CCDC178: variants seen among roughly 807,000 people sequenced by gnomAD.
CCDC178 encodes the protein coiled-coil domain-containing protein 178.
Under a neutral mutation model 117.4 loss-of-function variants are expected in CCDC178, and 126 were observed. That is an observed-to-expected ratio of 1.07 (90% CI 0.93 to 1.24). The LOEUF (loss-of-function observed/expected upper bound fraction) is 1.24. Ranked by LOEUF, CCDC178 falls within the 50% of genes most tolerant of loss-of-function variation. The pLI, the probability that CCDC178 is intolerant of heterozygous loss-of-function variation, is 0.00. For synonymous variants in CCDC178, 283 were observed against 313.4 expected (o/e 0.90, Z 1.02); for missense variants, 1,030 against 986.9 (o/e 1.04, Z -0.59).
At chr18:33,324,336 T>A (rs886430479) in intron 10 of CCDC178, among the ~76,000 whole-genome samples, 7 of 151,942 alleles carry the variant, frequency 4.6e-5, no homozygotes, top group African/African-American at 1.4e-4. Flanking sequence ...ACATATAACA[T>A]CAACAGTACT....
intron 10 of CCDC178, among the ~76,000 whole-genome samples, chr18:33,329,800 CAT>C (rs2062638070): frequency 6.6e-6 from 1 of 151,648 alleles, no homozygotes; most frequent in African/African-American, 2.4e-5. Context: ...GTAATGCTGA[CAT>C]AGATGAATTA....
chr18:33,148,276 C>G (rs1398005733), intron 20 of CCDC178, among the ~76,000 whole-genome samples: 2 of 152,204 alleles, frequency 1.3e-5, no homozygotes, highest in Admixed American at 6.5e-5. Flanking sequence ...ATATGAAAAC[C>G]AGTCAGGCGT....
intron 20 of CCDC178, among the ~76,000 whole-genome samples, chr18:33,211,172 G>T (rs1254910354): frequency 2.0e-5 from 3 of 151,726 alleles, no homozygotes; most frequent in African/African-American, 7.2e-5. Flanking sequence ...TCACAGAAAA[G>T]AGTTTTAAAA....
At chr18:33,316,239 G>A (rs551433523) in intron 11 of CCDC178, among the ~76,000 whole-genome samples, 174 of 152,306 alleles carry the variant, frequency 1.1e-3, no homozygotes, top group African/African-American at 3.8e-3. Context: ...GAGAGGCGCC[G>A]GCGGGAACCG....
intron 18 of CCDC178, among the ~76,000 whole-genome samples, chr18:33,221,691 T>C (rs1489016414): frequency 6.6e-6 from 1 of 152,148 alleles, no homozygotes; most frequent in African/African-American, 2.4e-5. Flanking sequence ...CCTTCTGCTT[T>C]AAGCTCTCCT....
chr18:33,103,158 T>C (rs1328111750), intron 20 of CCDC178, among the ~76,000 whole-genome samples: 2 of 151,716 alleles, frequency 1.3e-5, no homozygotes, highest in Non-Finnish European at 2.9e-5. Flanking sequence ...TGGGGAGGCC[T>C]GAGAATCATG....
chr18:33,182,319 G>A (rs1019028865), intron 20 of CCDC178, among the ~76,000 whole-genome samples: 3 of 151,864 alleles, frequency 2.0e-5, no homozygotes, highest in African/African-American at 4.8e-5. Flanking sequence ...TAAGTATTTA[G>A]TGGCAGATAT....
chr18:33,153,141 T>A (rs2058358899), intron 20 of CCDC178, among the ~76,000 whole-genome samples: 1 of 147,922 alleles, frequency 6.8e-6, no homozygotes, highest in South Asian at 2.1e-4. Flanking sequence ...GACAATTATA[T>A]ATATATATAT....
At chr18:33,390,059 G>T (rs1282372544) in intron 4 of CCDC178, among the ~76,000 whole-genome samples, 2 of 148,712 alleles carry the variant, frequency 1.3e-5, no homozygotes, top group African/African-American at 2.5e-5. Context: ...GTTAACTATT[G>T]ATATGTAGGA....
At chr18:33,036,728 CAGATG>C (rs2056452420) in intron 21 of CCDC178, among the ~76,000 whole-genome samples, 1 of 151,806 alleles carries the variant, frequency 6.6e-6, no homozygotes, top group South Asian at 2.1e-4. Context: ...TGGCAGAGGC[CAGATG>C]ATTGGGAAAG....
intron 12 of CCDC178, among the ~76,000 whole-genome samples, chr18:33,287,687 G>A (rs1335579362): frequency 6.6e-6 from 1 of 152,128 alleles, no homozygotes; most frequent in Non-Finnish European, 1.5e-5. Context: ...GGCTGTGGCA[G>A]GAGAATCACT....
intron 20 of CCDC178, among the ~76,000 whole-genome samples, chr18:33,176,353 C>A (rs775876174): frequency 6.6e-6 from 1 of 152,196 alleles, no homozygotes; most frequent in Non-Finnish European, 1.5e-5. Flanking sequence ...CAAAATGTCC[C>A]ACTTCTGAAA....
At chr18:33,060,087 T>A in intron 21 of CCDC178, among the ~76,000 whole-genome samples, 1 of 152,164 alleles carries the variant, frequency 6.6e-6, no homozygotes, top group African/African-American at 2.4e-5. Flanking sequence ...CCTCTAAGAC[T>A]CAGTATAGGT....
At chr18:33,184,171 G>C (rs1482618953) in intron 20 of CCDC178, among the ~76,000 whole-genome samples, 1 of 152,026 alleles carries the variant, frequency 6.6e-6, no homozygotes, top group Non-Finnish European at 1.5e-5. Flanking sequence ...TGTCACAAAT[G>C]TCAATGACTT....
intron 14 of CCDC178, among the ~76,000 whole-genome samples, chr18:33,248,217 T>C (rs1283169376): frequency 2.0e-5 from 3 of 151,836 alleles, no homozygotes; most frequent in Non-Finnish European, 2.9e-5. Flanking sequence ...TTATTCAACA[T>C]TGATGAGCTA....
At chr18:33,335,290 A>G (rs1240734735) in intron 9 of CCDC178, among the ~76,000 whole-genome samples, 8 of 152,034 alleles carry the variant, frequency 5.3e-5, no homozygotes, top group Non-Finnish European at 1.2e-4. Flanking sequence ...TTTCCCATAC[A>G]TGTAATGATA....
At chr18:33,336,930 T>C (rs1441624991) in intron 9 of CCDC178, among the ~76,000 whole-genome samples, 1 of 152,116 alleles carries the variant, frequency 6.6e-6, no homozygotes, top group African/African-American at 2.4e-5. Context: ...TCTAGTTCTG[T>C]GAAGAATGGT....
At chr18:33,318,797 TATAGATTAGATGCATAAAAC>T (rs2062458366) in intron 11 of CCDC178, among the ~76,000 whole-genome samples, 1 of 152,012 alleles carries the variant, frequency 6.6e-6, no homozygotes, top group African/African-American at 2.4e-5. Flanking sequence ...GGAAAAAATA[TATAGATTAGATGCATAAAAC>T]TGAAAGTCAA....
intron 5 of CCDC178, among the ~76,000 whole-genome samples, chr18:33,372,538 G>C (rs888549413): frequency 2.6e-5 from 4 of 152,078 alleles, no homozygotes; most frequent in African/African-American, 9.7e-5. Context: ...AATGGTCAGT[G>C]TGAGTATATT....
Sources: gnomAD v4.1 joint callset for allele counts (sites outside exome capture counted in the v4.1 genomes callset) on GRCh38, gnomAD v4.1.1 for gene constraint, MANE v1.5 for transcripts, NCBI Gene and HGNC (gene_info 2026-07-23, HGNC 2026-07-21) for gene names.